The following THEMIS variants were observed in gnomAD, a reference collection of about 807,000 sequenced individuals.
The protein encoded by THEMIS is thymocyte selection associated.
THEMIS carries 37 observed loss-of-function variants against 52.6 expected under a neutral mutation model. The ratio of observed to expected loss-of-function variants is 0.70; its 90% CI spans 0.54 to 0.93. The LOEUF (loss-of-function observed/expected upper bound fraction) is 0.93, where lower values mean the gene tolerates loss of function less well. Among genes scored for constraint, THEMIS ranks in the 40% least tolerant of loss-of-function variants. The probability of loss-of-function intolerance (pLI) is 0.00; values close to 1 mark genes in which losing one functional copy is unlikely to be tolerated. For missense variants in THEMIS, 808 were observed against 763.1 expected (o/e 1.06, Z -0.69); for synonymous variants, 292 against 272.7 (o/e 1.07, Z -0.70).
chr6:127,911,070 C>T (rs1266757023), intron 1 of THEMIS, among the ~76,000 whole-genome samples: 3 of 151,686 alleles, frequency 2.0e-5, no homozygotes, highest in Non-Finnish European at 4.4e-5. Flanking sequence ...AGGAAGACCA[C>T]AGAGGTAAAT....
intron 4 of THEMIS, among the ~76,000 whole-genome samples, chr6:127,727,999 C>G (rs1168840569): frequency 6.6e-6 from 1 of 152,164 alleles, no homozygotes; most frequent in Non-Finnish European, 1.5e-5. Context: ...TCTATAGATC[C>G]AGGCATGGCT....
intron 3 of THEMIS, among the ~76,000 whole-genome samples, chr6:127,824,397 TCA>T (rs1436563679): frequency 6.6e-6 from 1 of 151,992 alleles, no homozygotes; most frequent in East Asian, 1.9e-4. Flanking sequence ...AAGGAAAGAC[TCA>T]CAAAACCTAA....
intron 2 of THEMIS, among the ~76,000 whole-genome samples, chr6:127,840,971 C>A (rs1002728595): frequency 4.6e-5 from 7 of 151,956 alleles, no homozygotes; most frequent in African/African-American, 1.7e-4. Flanking sequence ...AGGCGGAGCA[C>A]AAAGGATTTT....
chr6:127,747,594 G>A (rs942183254), intron 4 of THEMIS, among the ~76,000 whole-genome samples: 2 of 151,454 alleles, frequency 1.3e-5, no homozygotes, highest in African/African-American at 4.8e-5. Context: ...TTGAATTACA[G>A]GGAAGTTTAT....
chr6:127,811,076 C>T (rs1476174858), intron 4 of THEMIS, among the ~76,000 whole-genome samples: 3 of 152,028 alleles, frequency 2.0e-5, no homozygotes, highest in Non-Finnish European at 4.4e-5. Context: ...CCAACAACAA[C>T]AACAACAAAA....
chr6:127,744,445 G>T (rs539757978), intron 4 of THEMIS, among the ~76,000 whole-genome samples: 2 of 151,996 alleles, frequency 1.3e-5, no homozygotes, highest in South Asian at 2.1e-4. Flanking sequence ...ATCGACAGAA[G>T]AATTAAGAAA....
chr6:127,697,832 T>C, the THEMIS span, among the ~76,000 whole-genome samples: 3 of 152,182 alleles, frequency 2.0e-5, no homozygotes, highest in Non-Finnish European at 4.4e-5. Context: ...TTAATGTTTC[T>C]CCTTAAAAAT....
intron 1 of THEMIS, among the ~76,000 whole-genome samples, chr6:127,910,802 A>T (rs1238377609): frequency 3.3e-5 from 5 of 152,126 alleles, no homozygotes; most frequent in Non-Finnish European, 5.9e-5. Flanking sequence ...TATTAGCTAA[A>T]CTTCATACTT....
At chr6:127,750,983 G>T (rs1775622598) in intron 4 of THEMIS, among the ~76,000 whole-genome samples, 2 of 151,674 alleles carry the variant, frequency 1.3e-5, no homozygotes, top group Non-Finnish European at 3.0e-5. Flanking sequence ...TATTCAAGGT[G>T]AAATGAAAGA....
chr6:127,820,306 A>G (rs912459507), intron 3 of THEMIS, among the ~76,000 whole-genome samples: 2 of 152,202 alleles, frequency 1.3e-5, no homozygotes, highest in Admixed American at 6.5e-5. Context: ...ACAACATGAG[A>G]CTTTAAGAAT....
chr6:127,804,936 C>T (rs147519832), intron 4 of THEMIS, among the ~76,000 whole-genome samples: 72 of 152,162 alleles, frequency 4.7e-4, no homozygotes, highest in African/African-American at 1.6e-3. Flanking sequence ...ATATTGGTAT[C>T]TTTTCAGTTA....
intron 1 of THEMIS, among the ~76,000 whole-genome samples, chr6:127,870,184 C>A (rs942062411): frequency 1.3e-5 from 2 of 152,184 alleles, no homozygotes; most frequent in Non-Finnish European, 2.9e-5. Context: ...GGGACTTGTG[C>A]CCAGCACAAT....
intron 1 of THEMIS, among the ~76,000 whole-genome samples, chr6:127,877,230 A>T (rs1275400425): frequency 6.6e-6 from 1 of 152,148 alleles, no homozygotes; most frequent in East Asian, 1.9e-4. Context: ...GTGATCTTCT[A>T]TTCACACCAC....
rs780586135 is a variant in THEMIS at position 127,829,748 on chromosome 6, C to G, written c.437G>C (p.Gly146Ala). 1 of 1,614,098 alleles carries G rather than the reference C, an allele frequency of 6.2e-7. No homozygotes were observed. Among genetic ancestry groups the G allele is most frequent in the Non-Finnish European group, 8.5e-7 (1 of 1,180,010 alleles). Residue 146 changes from glycine (G) to alanine (A), a missense_variant, in exon 3 of 6, where the codon GGA becomes GCA. By Grantham distance (60) the Gly-to-Ala change is moderately conservative. Transcript: ENST00000368248. ...TACTGCACAGCTCACCATTATTTCTCCATCAATCTCTTCAACTGAGTTGAG... is the reference window on the plus strand; with the variant it reads ...TACTGCACAGCTCACCATTATTTCTGCATCAATCTCTTCAACTGAGTTGAG... The part of the protein sequence containing the change: ...IMLNSVEEID[G>A]EIMVSCAVAR...
At chr6:127,840,930 A>G (rs1271784411) in intron 2 of THEMIS, among the ~76,000 whole-genome samples, 1 of 152,098 alleles carries the variant, frequency 6.6e-6, no homozygotes, top group Non-Finnish European at 1.5e-5. Flanking sequence ...ATCAGTGGTT[A>G]CCACGGATTA....
chr6:127,807,357 T>C (rs1562269713), intron 4 of THEMIS: 1 of 215,040 alleles, frequency 4.7e-6, no homozygotes, highest in African/African-American at 2.7e-5. Flanking sequence ...GAGAATTCAT[T>C]AAAAAAAAAA....
chr6:127,888,718 A>G (rs1265083196), intron 1 of THEMIS, among the ~76,000 whole-genome samples: 2 of 152,128 alleles, frequency 1.3e-5, no homozygotes, highest in Admixed American at 1.3e-4. Context: ...CAAATTTTTA[A>G]ATCAACACCA....
At chr6:127,857,439 A>G (rs554486672) in intron 1 of THEMIS, among the ~76,000 whole-genome samples, 2 of 152,158 alleles carry the variant, frequency 1.3e-5, no homozygotes, top group South Asian at 4.1e-4. Flanking sequence ...TGTTATGTCT[A>G]AAATGTAAGT....
upstream of THEMIS, among the ~76,000 whole-genome samples, chr6:127,904,976 C>A (rs1781233148): frequency 2.6e-5 from 4 of 152,030 alleles, no homozygotes; most frequent in South Asian, 8.3e-4. Flanking sequence ...CTCTATCTAT[C>A]TATCTCTGTG....
Sources: gnomAD v4.1 joint callset for allele counts (sites outside exome capture counted in the v4.1 genomes callset) on GRCh38, gnomAD v4.1.1 for gene constraint, MANE v1.5 for transcripts, NCBI Gene and HGNC (gene_info 2026-07-23, HGNC 2026-07-21) for gene names.